DGKG: variants seen among roughly 807,000 people sequenced by gnomAD.
The protein encoded by DGKG is diacylglycerol kinase gamma, also known as DAG kinase gamma.
DGKG carries 78 observed loss-of-function variants against 105.3 expected under a neutral mutation model. The ratio of observed to expected loss-of-function variants is 0.74; its 90% CI spans 0.62 to 0.89. The LOEUF is 0.89. DGKG is among the 40% of genes least tolerant of loss of function. DGKG has a pLI of 0.00. For missense variants in DGKG, 958 were observed against 1,020.1 expected (o/e 0.94, Z 0.83); for synonymous variants, 346 against 367.1 (o/e 0.94, Z 0.66).
intron 1 of DGKG, among the ~76,000 whole-genome samples, chr3:186,349,426 A>G (rs1429748448): frequency 1.3e-5 from 2 of 152,250 alleles, no homozygotes; most frequent in East Asian, 1.9e-4. Flanking sequence ...CAAAGCAGGC[A>G]AAGTTTCACA....
intron 1 of DGKG, among the ~76,000 whole-genome samples, chr3:186,323,078 C>T (rs559873687): frequency 6.6e-6 from 1 of 152,322 alleles, no homozygotes; most frequent in African/African-American, 2.4e-5. Context: ...CTTTGTTCTC[C>T]TCCCCTTGGT....
At chr3:186,350,139 A>T (rs1411671022) in intron 1 of DGKG, among the ~76,000 whole-genome samples, 1 of 151,984 alleles carries the variant, frequency 6.6e-6, no homozygotes, top group Non-Finnish European at 1.5e-5. Context: ...ATCCATCTGC[A>T]TCGGCCTCCA....
At chr3:186,237,722 C>T (rs12497361) in intron 20 of DGKG, among the ~76,000 whole-genome samples, 96,301 of 152,116 alleles carry the variant, frequency 0.63, 35,540 homozygotes, top group East Asian at 0.94. Context: ...TTGCGGCAAA[C>T]AGAGCTTGGA....
intron 21 of DGKG, among the ~76,000 whole-genome samples, chr3:186,205,358 G>A (rs1464813465): frequency 1.3e-5 from 2 of 151,862 alleles, no homozygotes; most frequent in East Asian, 3.9e-4. Context: ...TAAGTTTGGA[G>A]CATAAAGAGG....
intron 1 of DGKG, among the ~76,000 whole-genome samples, chr3:186,341,205 A>G (rs1340422921): frequency 6.6e-6 from 1 of 152,232 alleles, no homozygotes; most frequent in African/African-American, 2.4e-5. Flanking sequence ...GATAACAAAG[A>G]AGCAGATATC....
At chr3:186,212,875 G>C (rs965539677) in intron 20 of DGKG, among the ~76,000 whole-genome samples, 4 of 152,206 alleles carry the variant, frequency 2.6e-5, no homozygotes, top group African/African-American at 9.6e-5. Flanking sequence ...TCAGAAGAGA[G>C]GATGCCACCT....
Position 186,203,044 on chromosome 3 carries a change from G to C in DGKG, c.1917+8751C>G, listed in dbSNP as rs1718551302. Among the ~76,000 whole-genome samples the C allele has an allele frequency of 6.6e-6, 1 of 152,172 alleles. No homozygotes were observed. The highest frequency in any genetic ancestry group is 2.4e-5 in the African/African-American group (1 of 41,452). On this transcript the variant is annotated intron_variant, in intron 21 of 24. Transcript: ENST00000265022. This position sits in a 1 kb window ranked among gnomAD's most constrained non-coding sequence, Gnocchi z 4.9. ...GAAGTGAACTACAGGGTGCACATTA[G>C]TAAGAAATAAAAAAGAGGGTCATTT...
At position 186,194,614 on chromosome 3, in the gene DGKG, A is replaced by G. The variant is rs1718083327; in HGVS notation, c.1918-6235T>C. The stretch of plus-strand genomic sequence containing the variant: ...TTTGGACGCAGACGGTTCTGTTTAT[A>G]GGCCTGCCACTCGGCTTTGTCTGCT... On this transcript the variant is annotated intron_variant, in intron 21 of 24. Transcript: ENST00000265022. Among the ~76,000 whole-genome samples the G allele has an allele frequency of 2.0e-5, 3 of 152,096 alleles. No individual in the cohort carries two copies. In the South Asian group the frequency reaches 6.2e-4, roughly 32 times the overall value.
chr3:186,243,895 G>GTTTTTTTTTTTTTTTTTTTTTTTTTTTTT (rs34134152), intron 19 of DGKG, among the ~76,000 whole-genome samples: 13 of 116,324 alleles, frequency 1.1e-4, no homozygotes, highest in African/African-American at 4.7e-4. Context: ...AAATTTCTGT[G>GTTTTTTTTTTTTTTTTTTTTTTTTTTTTT]TTTTTTTTTT....
At chr3:186,349,890 T>C (rs990392526) in intron 1 of DGKG, among the ~76,000 whole-genome samples, 17 of 124,650 alleles carry the variant, frequency 1.4e-4, no homozygotes, top group African/African-American at 7.8e-4. Flanking sequence ...CCACAGAACC[T>C]TTTTTTTTTT....
At chr3:186,215,993 C>T (rs979947483) in intron 20 of DGKG, among the ~76,000 whole-genome samples, 2 of 151,398 alleles carry the variant, frequency 1.3e-5, no homozygotes, top group Admixed American at 6.6e-5. Flanking sequence ...GCCCCACCCC[C>T]CAAACCCCCA....
At chr3:186,189,306 A>C (rs1401437530) in intron 21 of DGKG, among the ~76,000 whole-genome samples, 5 of 152,196 alleles carry the variant, frequency 3.3e-5, no homozygotes, top group African/African-American at 9.7e-5. Flanking sequence ...CAGGTACAAA[A>C]AGCCAGAAGG....
chr3:186,237,008 C>G (rs1720451323), intron 20 of DGKG, among the ~76,000 whole-genome samples: 1 of 152,142 alleles, frequency 6.6e-6, no homozygotes, highest in Non-Finnish European at 1.5e-5. Context: ...TATGCAAAAC[C>G]CTTCATGGAG....
At chr3:186,307,073 C>T (rs1249840371) in intron 2 of DGKG, 96 bp from the exon 3 acceptor site, 4 of 832,510 alleles carry the variant, frequency 4.8e-6, no homozygotes, top group Admixed American at 1.9e-5. Context: ...TATGTTGGAG[C>T]TGCCCCTCAG....
At chr3:186,246,568 G>A (rs1720951344) in intron 19 of DGKG, among the ~76,000 whole-genome samples, 1 of 152,156 alleles carries the variant, frequency 6.6e-6, no homozygotes, top group Non-Finnish European at 1.5e-5. Context: ...TTTGAAATTG[G>A]GGTTGTTCTG....
intron 10 of DGKG, among the ~76,000 whole-genome samples, chr3:186,273,638 G>C (rs1722436359): frequency 6.6e-6 from 1 of 152,134 alleles, no homozygotes; most frequent in Non-Finnish European, 1.5e-5. Context: ...CTCCCAAAGT[G>C]CTGGGATTAC....
At chr3:186,227,827 C>T (rs766796987) in intron 20 of DGKG, among the ~76,000 whole-genome samples, 2 of 152,136 alleles carry the variant, frequency 1.3e-5, no homozygotes, top group Non-Finnish European at 2.9e-5. Context: ...ATATGGGCGA[C>T]TGAATATGCT....
intron 2 of DGKG, among the ~76,000 whole-genome samples, chr3:186,318,230 C>G (rs1724909145): frequency 6.6e-6 from 1 of 152,168 alleles, no homozygotes; most frequent in Admixed American, 6.5e-5. Flanking sequence ...CTCCTGCTAT[C>G]CCCACGCCTC....
chr3:186,155,476 G>A (rs1715991998), intron 24 of DGKG, among the ~76,000 whole-genome samples: 1 of 152,198 alleles, frequency 6.6e-6, no homozygotes, highest in African/African-American at 2.4e-5. Flanking sequence ...ACAGGCATGA[G>A]CCACTGTGCC....
Sources: allele counts gnomAD v4.1 joint callset (sites outside exome capture counted in the v4.1 genomes callset), GRCh38; gene constraint gnomAD v4.1.1; non-coding constraint Gnocchi (gnomAD v3.1); transcripts MANE v1.5; gene names NCBI Gene and HGNC (gene_info 2026-07-23, HGNC 2026-07-21).